Variants in LAMC1 observed in about 807,000 individuals in gnomAD.
LAMC1 encodes laminin subunit gamma-1.
A neutral mutation model predicts 173.6 loss-of-function variants in LAMC1; 38 were observed. The ratio of observed to expected loss-of-function variants is 0.22; its 90% CI spans 0.17 to 0.29. LAMC1 has a LOEUF of 0.29. Among genes scored for constraint, LAMC1 ranks in the 10% least tolerant of loss-of-function variants. LAMC1 has a pLI of 1.00. For synonymous variants in LAMC1, 746 were observed against 749.1 expected (o/e 1.00, Z 0.07); for missense variants, 1,824 against 2,051.8 (o/e 0.89, Z 2.14).
chr1:183,120,192 G>GAAAAAA (rs1553257453), intron 11 of LAMC1, among the ~76,000 whole-genome samples: 1 of 137,540 alleles, frequency 7.3e-6, no homozygotes, highest in Non-Finnish European at 1.5e-5. Context: ...AAAAAAAAAG[G>GAAAAAA]TGGCGGGGTG....
At chr1:183,050,034 G>A (rs1297015497) in intron 1 of LAMC1, among the ~76,000 whole-genome samples, 1 of 152,006 alleles carries the variant, frequency 6.6e-6, no homozygotes, top group East Asian at 1.9e-4. Context: ...TAAAGATGTC[G>A]TTCCCACTCA....
At position 183,046,710 on chromosome 1, in the gene LAMC1, A is replaced by G. The variant is rs151076657; in HGVS notation, c.418+22576A>G. Among the ~76,000 whole-genome samples the G allele has an allele frequency of 7.5e-3, 1,139 of 152,048 alleles. 12 individuals carry two copies. Among genetic ancestry groups the G allele is most frequent in the Middle Eastern group, 0.027 (8 of 294 alleles). On this transcript the variant is annotated intron_variant, in intron 1 of 27. Transcript: ENST00000258341. ...TTCTAATAATTTGTCTTTAGCTTCT[A>G]TTGGGTTTATATGTAGGTAGTCATC...
chr1:183,095,543 A>G (rs968727073), intron 1 of LAMC1, among the ~76,000 whole-genome samples: 6 of 152,200 alleles, frequency 3.9e-5, no homozygotes, highest in African/African-American at 9.7e-5. Flanking sequence ...GTTATAATTA[A>G]CTTAGTTGCC....
intron 1 of LAMC1, among the ~76,000 whole-genome samples, chr1:183,046,411 C>T (rs1654269622): frequency 6.6e-6 from 1 of 151,976 alleles, no homozygotes; most frequent in Non-Finnish European, 1.5e-5. Flanking sequence ...TTTGTGTATC[C>T]ATTTGGATTG....
At position 183,023,862 on chromosome 1, in the gene LAMC1, G is replaced by C; in HGVS notation, c.146G>C (p.Arg49Pro). 2 of 1,610,928 alleles carry C rather than the reference G, an allele frequency of 1.2e-6. No individual in the cohort carries two copies. The highest frequency in any genetic ancestry group is 1.7e-6 in the Non-Finnish European group (2 of 1,178,674). ...ACGGACGAGGGCGGGCGGCCGCAGC[G>C]CTGCATGCCCGAGTTCGTCAACGCC... is the stretch of plus-strand genomic sequence containing the variant. ...ECTDEGGRPQRCMPEFVNAAF... is the reference protein window; with the variant it reads ...ECTDEGGRPQPCMPEFVNAAF... The change falls in exon 1 of 28, where the codon CGC becomes CCC. Residue 49 changes from arginine (R) to proline (P), a missense_variant. Arg to Pro is a moderately radical substitution (Grantham distance 103). Coordinates refer to ENST00000258341, the MANE Select transcript of LAMC1 (RefSeq NM_002293.4).
At chr1:183,043,302 A>G (rs1654188645) in intron 1 of LAMC1, among the ~76,000 whole-genome samples, 1 of 152,208 alleles carries the variant, frequency 6.6e-6, no homozygotes, top group Non-Finnish European at 1.5e-5. Context: ...ATGAAAGGCT[A>G]TCATAGCCTC....
At chr1:183,127,447 TTGAG>T in intron 17 of LAMC1, 43 bp downstream of exon 17, 1 of 1,576,998 alleles carries the variant, frequency 6.3e-7, no homozygotes, top group Non-Finnish European at 8.7e-7. Flanking sequence ...CCAGCAGACG[TTGAG>T]TGGCAACTTA....
intron 1 of LAMC1, among the ~76,000 whole-genome samples, chr1:183,070,605 A>G (rs1421019842): frequency 1.3e-5 from 2 of 152,228 alleles, no homozygotes; most frequent in Non-Finnish European, 2.9e-5. Context: ...CTAGAAATGG[A>G]ATAAATGCTG....
At chr1:183,031,396 C>T (rs1449750352) in intron 1 of LAMC1, among the ~76,000 whole-genome samples, 1 of 152,176 alleles carries the variant, frequency 6.6e-6, no homozygotes, top group Non-Finnish European at 1.5e-5. Flanking sequence ...CCTCTGCCTC[C>T]TGGGTTCAAG....
rs779913731 is a variant in LAMC1 at position 183,103,398 on chromosome 1, C to T, written c.489C>T (p.Tyr163=). 4 of 1,614,192 alleles carry T rather than the reference C, an allele frequency of 2.5e-6. No individual in the cohort carries two copies. In the South Asian group the frequency reaches 3.3e-5, roughly 13 times the overall value. Residue 163 remains tyrosine, a synonymous_variant, in exon 2 of 28, where the codon TAC becomes TAT. Transcript: ENST00000258341. ...HTSRPESFAI[Y]KRTREDGPWI... The stretch of plus-strand genomic sequence containing the variant: ...GCCGCCCGGAGAGCTTTGCCATTTA[C>T]AAGCGCACACGGGAAGACGGGCCCT...
In LAMC1 at chr1:183,116,651, A is replaced by G. The variant is rs1231748323; in HGVS notation, c.1403A>G (p.Asn468Ser). 10 of 1,613,300 alleles carry G rather than the reference A, an allele frequency of 6.2e-6. No individual in the cohort carries two copies. The highest frequency in any genetic ancestry group is 2.7e-5 in the African/African-American group (2 of 74,906). Residue 468 changes from asparagine to serine, a missense_variant, in exon 7 of 28, where the codon AAT becomes AGT. Asn to Ser is a conservative substitution (Grantham distance 46). Coordinates refer to ENST00000258341, the MANE Select transcript of LAMC1 (RefSeq NM_002293.4). ...ACAGGAAGATGTGTTTGCAAAGACA[A>G]TGTCGAAGGCTTCAATTGTGAAAGG... The part of the protein sequence containing the change: ...IETGRCVCKD[N>S]VEGFNCERCK...
chr1:183,105,986 C>G (rs10797837), intron 2 of LAMC1, among the ~76,000 whole-genome samples: 78,621 of 152,132 alleles, frequency 0.52, 21,002 homozygotes, highest in South Asian at 0.65. Flanking sequence ...GTGACAAGCA[C>G]TGTTCTAAGC....
intron 1 of LAMC1, among the ~76,000 whole-genome samples, chr1:183,052,218 T>C (rs1326373720): frequency 6.6e-6 from 1 of 152,172 alleles, no homozygotes; most frequent in Non-Finnish European, 1.5e-5. Flanking sequence ...CCCTTTTTCT[T>C]TCTGTTCTGT....
intron 1 of LAMC1, among the ~76,000 whole-genome samples, chr1:183,034,438 A>G (rs1653923818): frequency 6.6e-6 from 1 of 151,976 alleles, no homozygotes; most frequent in African/African-American, 2.4e-5. Context: ...ATGCCCAGCT[A>G]ATTTTTGTAT....
At chr1:183,123,089 T>G (rs992189888) in intron 13 of LAMC1, among the ~76,000 whole-genome samples, 1 of 152,238 alleles carries the variant, frequency 6.6e-6, no homozygotes, top group Non-Finnish European at 1.5e-5. Context: ...CCTCCCTTTT[T>G]CTTCGACCCT....
chr1:183,088,897 G>T (rs1655499747), intron 1 of LAMC1, among the ~76,000 whole-genome samples: 1 of 152,290 alleles, frequency 6.6e-6, no homozygotes, highest in East Asian at 1.9e-4. Context: ...GAGAACTGTA[G>T]GATATAGTTT....
chr1:183,039,449 A>G (rs1020353799), intron 1 of LAMC1, among the ~76,000 whole-genome samples: 3 of 152,194 alleles, frequency 2.0e-5, no homozygotes, highest in African/African-American at 2.4e-5. Flanking sequence ...ATGGGATAGA[A>G]AGTCTATTGG....
At chr1:183,102,324 C>T (rs1031820945) in intron 1 of LAMC1, among the ~76,000 whole-genome samples, 1 of 152,170 alleles carries the variant, frequency 6.6e-6, no homozygotes, top group Non-Finnish European at 1.5e-5. Flanking sequence ...ACTGTAAGCT[C>T]CTTGAATACA....
intron 11 of LAMC1, among the ~76,000 whole-genome samples, 162 bp downstream of exon 11, chr1:183,118,308 G>A (rs570091714): frequency 6.6e-6 from 1 of 151,954 alleles, no homozygotes; most frequent in Admixed American, 6.6e-5. Context: ...ATTTTTTAAC[G>A]GCTTTCAAGG....
Sources: allele counts gnomAD v4.1 joint callset (sites outside exome capture counted in the v4.1 genomes callset), GRCh38; gene constraint gnomAD v4.1.1; transcripts MANE v1.5; gene names NCBI Gene and HGNC (gene_info 2026-07-23, HGNC 2026-07-21).